The following RBMS3 variants were observed in gnomAD, a reference collection of about 807,000 sequenced individuals.
RBMS3 encodes RNA-binding motif, single-stranded-interacting protein 3.
In RBMS3, 27 loss-of-function variants were observed where a neutral mutation model predicts 66.8. The observed-to-expected ratio is 0.40, with a 90% CI of 0.30 to 0.56. RBMS3 has a LOEUF of 0.56. Ranked by LOEUF, RBMS3 falls within the 20% of genes least tolerant of loss-of-function variation. RBMS3 has a pLI of 0.40. For missense variants in RBMS3, 513 were observed against 549.5 expected (o/e 0.93, Z 0.66); for synonymous variants, 188 against 183.0 (o/e 1.03, Z -0.22).
intron 1 of RBMS3, among the ~76,000 whole-genome samples, chr3:29,359,373 A>G (rs2037423449): frequency 6.6e-6 from 1 of 152,216 alleles, no homozygotes; most frequent in Admixed American, 6.5e-5. Context: ...ATGTTGAACC[A>G]GCCTTGCATC....
At chr3:29,335,805 A>G (rs1455522060) in intron 1 of RBMS3, among the ~76,000 whole-genome samples, 2 of 152,168 alleles carry the variant, frequency 1.3e-5, no homozygotes, top group South Asian at 2.1e-4. Flanking sequence ...ATTTGTGAAG[A>G]TATCTTTTTC....
intron 1 of RBMS3, among the ~76,000 whole-genome samples, chr3:29,317,694 T>C (rs1248270453): frequency 6.6e-6 from 1 of 151,828 alleles, no homozygotes; most frequent in Non-Finnish European, 1.5e-5. Flanking sequence ...TGAGAAGAAA[T>C]AATTCTACCT....
chr3:29,368,592 T>A (rs2038030246), intron 1 of RBMS3, among the ~76,000 whole-genome samples: 1 of 152,150 alleles, frequency 6.6e-6, no homozygotes, highest in South Asian at 2.1e-4. Context: ...CACTTTCAGT[T>A]TAAATAGAAT....
intron 1 of RBMS3, among the ~76,000 whole-genome samples, chr3:29,328,957 C>A (rs1260818482): frequency 6.6e-6 from 1 of 151,886 alleles, no homozygotes; most frequent in South Asian, 2.1e-4. Context: ...TGTGAAAACA[C>A]TCATTTTTGG....
intron 1 of RBMS3, among the ~76,000 whole-genome samples, chr3:29,337,602 T>A (rs2036030340): frequency 6.6e-6 from 1 of 152,036 alleles, no homozygotes; most frequent in Admixed American, 6.6e-5. Flanking sequence ...GCTATGATCA[T>A]GCTGCTGCAA....
At chr3:29,372,447 C>T (rs1440172333) in intron 1 of RBMS3, among the ~76,000 whole-genome samples, 1 of 151,956 alleles carries the variant, frequency 6.6e-6, no homozygotes, top group African/African-American at 2.4e-5. Context: ...TTAGTTTCCC[C>T]TTCTGATAAA....
intron 10 of RBMS3, among the ~76,000 whole-genome samples, chr3:29,935,689 G>C (rs768782716): frequency 1.3e-5 from 2 of 152,054 alleles, no homozygotes; most frequent in Non-Finnish European, 2.9e-5. Flanking sequence ...ATAGATAAAT[G>C]ACATAAACCA....
intron 2 of RBMS3, among the ~76,000 whole-genome samples, chr3:29,477,453 TAACAAACAAACA>T (rs35287781): frequency 1.3e-5 from 2 of 151,002 alleles, no homozygotes; most frequent in South Asian, 2.1e-4. Flanking sequence ...GTCAGGGATA[TAACAAACAAACA>T]AACAAACAAA....
chr3:29,447,398 C>T (rs536021479), intron 2 of RBMS3, among the ~76,000 whole-genome samples: 6 of 152,176 alleles, frequency 3.9e-5, no homozygotes, highest in African/African-American at 1.4e-4. Flanking sequence ...ATATAGAGAG[C>T]TTGATATTTC....
chr3:29,414,415 A>T (rs2040396274), intron 1 of RBMS3, among the ~76,000 whole-genome samples: 1 of 152,224 alleles, frequency 6.6e-6, no homozygotes, highest in African/African-American at 2.4e-5. Flanking sequence ...TAGTGAAAAT[A>T]AGTAAGTTGG....
chr3:29,807,074 CAATT>C (rs1393897672), intron 6 of RBMS3, among the ~76,000 whole-genome samples: 9 of 151,680 alleles, frequency 5.9e-5, no homozygotes, highest in Non-Finnish European at 1.0e-4. Flanking sequence ...TACAAATAGA[CAATT>C]AAGCAGGAAA....
intron 2 of RBMS3, among the ~76,000 whole-genome samples, chr3:29,484,221 C>T (rs2043240712): frequency 1.3e-5 from 2 of 152,138 alleles, no homozygotes; most frequent in African/African-American, 2.4e-5. Context: ...CTCAGGAGGC[C>T]TTGGAGAGAA....
intron 1 of RBMS3, among the ~76,000 whole-genome samples, chr3:29,334,288 C>T (rs2125521116): frequency 6.6e-6 from 1 of 152,104 alleles, no homozygotes; most frequent in Middle Eastern, 3.4e-3. Flanking sequence ...AAGTTCATTC[C>T]AAGATTGAGA....
intron 3 of RBMS3, among the ~76,000 whole-genome samples, chr3:29,573,666 G>C (rs531037702): frequency 2.2e-4 from 34 of 151,842 alleles, no homozygotes; most frequent in Non-Finnish European, 4.3e-4. Context: ...TTCTTTATTT[G>C]AATTTTTTCT....
intron 1 of RBMS3, among the ~76,000 whole-genome samples, chr3:29,384,019 A>G (rs2038889773): frequency 6.6e-6 from 1 of 152,198 alleles, no homozygotes; most frequent in Non-Finnish European, 1.5e-5. Context: ...TAATGGTGAA[A>G]TTATAATGGA....
At chr3:29,493,097 A>G (rs1216351999) in intron 3 of RBMS3, among the ~76,000 whole-genome samples, 1 of 152,176 alleles carries the variant, frequency 6.6e-6, no homozygotes, top group Non-Finnish European at 1.5e-5. Context: ...CCTTACTAGG[A>G]AAAAATATAG....
rs1006857754 is a variant in RBMS3 at position 29,285,495 on chromosome 3, A to G, written c.75+3739A>G. Among the ~76,000 whole-genome samples the G allele has an allele frequency of 7.2e-5, 11 of 152,086 alleles. 1 individual carries two copies. Among genetic ancestry groups the G allele is most frequent in the Admixed American group, 3.3e-4 (5 of 15,272 alleles). On this transcript the variant is annotated intron_variant, in intron 1 of 14. Coordinates refer to ENST00000383767, the MANE Select transcript of RBMS3 (RefSeq NM_001003793.3). ...TTTTCCACACCCTTACCAGTTCACTATGTTTCTACCAATCCAGTGCCCAGT... is the reference window on the plus strand; with the variant it reads ...TTTTCCACACCCTTACCAGTTCACTGTGTTTCTACCAATCCAGTGCCCAGT...
intron 8 of RBMS3, among the ~76,000 whole-genome samples, chr3:29,885,941 T>C (rs1266473966): frequency 2.6e-5 from 4 of 151,874 alleles, no homozygotes; most frequent in Non-Finnish European, 5.9e-5. Context: ...GAAACTTACA[T>C]TGTTAAGGAT....
chr3:29,665,087 A>C (rs1219380143), intron 4 of RBMS3, among the ~76,000 whole-genome samples: 1 of 152,212 alleles, frequency 6.6e-6, no homozygotes, highest in African/African-American at 2.4e-5. Context: ...TGTATATAAT[A>C]AATAATGAAA....
Sources: gnomAD v4.1 joint callset for allele counts (sites outside exome capture counted in the v4.1 genomes callset) on GRCh38, gnomAD v4.1.1 for gene constraint, MANE v1.5 for transcripts, NCBI Gene and HGNC (gene_info 2026-07-23, HGNC 2026-07-21) for gene names.